FALEC: variants seen among roughly 807,000 people sequenced by gnomAD.
FALEC encodes focally amplified lncRNA on chromosome 1.
the FALEC span, among the ~76,000 whole-genome samples, chr1:150,529,041 C>CAAAAAAAAAAAAAAAAAAAAAA: frequency 1.5e-4 from 9 of 58,658 alleles, no homozygotes; most frequent in Non-Finnish European, 1.8e-4. Context: ...AAAAAAAAAT[C>CAAAAAAAAAAAAAAAAAAAAAA]AAAGGATCTA....
At chr1:150,536,446 C>T in the FALEC span, among the ~76,000 whole-genome samples, 1 of 152,122 alleles carries the variant, frequency 6.6e-6, no homozygotes, top group Non-Finnish European at 1.5e-5. Context: ...ACCCTTCTTC[C>T]GAGGCACAGT....
chr1:150,521,651 G>A (rs760455458), downstream of FALEC, among the ~76,000 whole-genome samples: 13 of 152,224 alleles, frequency 8.5e-5, no homozygotes, highest in Non-Finnish European at 1.0e-4. Flanking sequence ...ATATTATTCC[G>A]TTTGGAGATT....
chr1:150,530,399 C>T, the FALEC span, among the ~76,000 whole-genome samples: 1 of 152,154 alleles, frequency 6.6e-6, no homozygotes, highest in Non-Finnish European at 1.5e-5. Context: ...TCTGATCATT[C>T]TCTCCCCTCT....
chr1:150,516,484 T>C (rs1333269278), intron 1 of FALEC, among the ~76,000 whole-genome samples: 2 of 152,194 alleles, frequency 1.3e-5, no homozygotes. Flanking sequence ...GAGCATCAAA[T>C]GCTGAGAGTT....
downstream of FALEC, among the ~76,000 whole-genome samples, chr1:150,522,947 GTGTA>G (rs1350224877): frequency 0.045 from 623 of 13,800 alleles, 77 homozygotes; most frequent in Middle Eastern, 0.12. Flanking sequence ...GTGTGTGTGT[GTGTA>G]TATATATATA....
At chr1:150,525,504 A>G in the FALEC span, among the ~76,000 whole-genome samples, 1 of 152,150 alleles carries the variant, frequency 6.6e-6, no homozygotes, top group Admixed American at 6.5e-5. Context: ...AACTGGAAAA[A>G]AAAAATCCAG....
downstream of FALEC, among the ~76,000 whole-genome samples, chr1:150,523,026 C>T (rs1670677366): frequency 8.5e-6 from 1 of 118,296 alleles, no homozygotes; most frequent in Admixed American, 9.3e-5. Flanking sequence ...CTCTGTCACC[C>T]AGGCTGGATG....
chr1:150,523,994 A>G, the FALEC span, among the ~76,000 whole-genome samples: 1 of 152,126 alleles, frequency 6.6e-6, no homozygotes, highest in Non-Finnish European at 1.5e-5. Flanking sequence ...GAAACAAGCA[A>G]AAGAATCTTT....
chr1:150,530,624 C>T, the FALEC span, among the ~76,000 whole-genome samples: 6 of 152,180 alleles, frequency 3.9e-5, no homozygotes, highest in Non-Finnish European at 1.5e-5. Flanking sequence ...GGCCTTGCCC[C>T]GCACTGAAGC....
chr1:150,533,929 G>A, the FALEC span, among the ~76,000 whole-genome samples: 3 of 152,230 alleles, frequency 2.0e-5, no homozygotes, highest in African/African-American at 7.2e-5. Flanking sequence ...GGAAGAAGGA[G>A]ACGTGTCGTG....
At chr1:150,536,551 G>C in the FALEC span, among the ~76,000 whole-genome samples, 1 of 152,156 alleles carries the variant, frequency 6.6e-6, no homozygotes, top group African/African-American at 2.4e-5. Flanking sequence ...CAATACTTTG[G>C]GAGGCTGATG....
At chr1:150,519,515 G>A (rs190677193), downstream of FALEC, among the ~76,000 whole-genome samples, 13 of 152,096 alleles carry the variant, frequency 8.5e-5, no homozygotes, top group African/African-American at 3.1e-4. Context: ...GAGGTGGGGC[G>A]TTTGAGACCA....
At chr1:150,534,696 G>C in the FALEC span, among the ~76,000 whole-genome samples, 1 of 152,034 alleles carries the variant, frequency 6.6e-6, no homozygotes, top group Non-Finnish European at 1.5e-5. Context: ...ACAAAAATTT[G>C]CTGGGTGTGG....
the FALEC span, among the ~76,000 whole-genome samples, chr1:150,534,266 C>T: frequency 6.6e-6 from 1 of 152,196 alleles, no homozygotes. Context: ...GTGTGGGCTG[C>T]ACTGCTCTGC....
chr1:150,516,960 G>A (rs985540937), intron 1 of FALEC, among the ~76,000 whole-genome samples: 1 of 152,070 alleles, frequency 6.6e-6, no homozygotes, highest in Non-Finnish European at 1.5e-5. Flanking sequence ...TGGCCTTCAG[G>A]GAGATCTTCC....
At chr1:150,531,181 A>T in the FALEC span, among the ~76,000 whole-genome samples, 1 of 152,230 alleles carries the variant, frequency 6.6e-6, no homozygotes, top group African/African-American at 2.4e-5. Context: ...CAAATGAACA[A>T]TGGCCAGACC....
chr1:150,528,415 T>G, the FALEC span, among the ~76,000 whole-genome samples: 1 of 152,016 alleles, frequency 6.6e-6, no homozygotes, highest in Non-Finnish European at 1.5e-5. Context: ...AGGTTTTCTG[T>G]TATGTGTAGG....
chr1:150,523,061 C>T, the FALEC span, among the ~76,000 whole-genome samples: 2 of 131,418 alleles, frequency 1.5e-5, no homozygotes, highest in East Asian at 2.3e-4. Context: ...GATTTTGGCT[C>T]ACTGCAACCT....
chr1:150,521,704 C>T (rs1012830640), downstream of FALEC, among the ~76,000 whole-genome samples: 2 of 152,162 alleles, frequency 1.3e-5, no homozygotes, highest in East Asian at 3.8e-4. Flanking sequence ...GTTATGACCC[C>T]TCTGCAGGCC....
Sources: gnomAD v4.1 joint callset for allele counts (sites outside exome capture counted in the v4.1 genomes callset) on GRCh38, gnomAD v4.1.1 for gene constraint, MANE v1.5 for transcripts, NCBI Gene and HGNC (gene_info 2026-07-23, HGNC 2026-07-21) for gene names.